The following MTX2 variants were observed in gnomAD, a reference collection of about 807,000 sequenced individuals.
The protein encoded by MTX2 is metaxin-2.
A neutral mutation model predicts 42.3 loss-of-function variants in MTX2; 35 were observed. The observed-to-expected ratio is 0.83, with a 90% CI of 0.63 to 1.10. The LOEUF (loss-of-function observed/expected upper bound fraction) is 1.10. Ranked by LOEUF, MTX2 falls within the 50% of genes least tolerant of loss-of-function variation. MTX2 has a pLI of 0.00. For synonymous variants in MTX2, 119 were observed against 100.9 expected (o/e 1.18, Z -1.08); for missense variants, 307 against 304.1 (o/e 1.01, Z -0.07).
At chr2:176,303,384 A>G (rs1684072092) in intron 3 of MTX2, among the ~76,000 whole-genome samples, 1 of 152,232 alleles carries the variant, frequency 6.6e-6, no homozygotes, top group South Asian at 2.1e-4. Context: ...AGGGATAAAT[A>G]GAATTTAGTG....
intron 1 of MTX2, among the ~76,000 whole-genome samples, chr2:176,271,594 A>G (rs145351585): frequency 2.0e-5 from 3 of 152,286 alleles, no homozygotes; most frequent in Admixed American, 2.0e-4. Context: ...CACCCCTGCC[A>G]TCAGATGGAC....
intron 1 of MTX2, among the ~76,000 whole-genome samples, chr2:176,274,422 G>A (rs557618368): frequency 2.6e-5 from 4 of 152,260 alleles, no homozygotes; most frequent in African/African-American, 9.6e-5. Context: ...TGGTTATGTA[G>A]TATTTCATTG....
At chr2:176,322,499 T>C (rs1218324785) in intron 3 of MTX2, among the ~76,000 whole-genome samples, 3 of 152,080 alleles carry the variant, frequency 2.0e-5, no homozygotes, top group African/African-American at 7.2e-5. Flanking sequence ...AACTGAATTA[T>C]TTTATAGAAA....
intron 1 of MTX2, among the ~76,000 whole-genome samples, chr2:176,284,398 G>A (rs1282606784): frequency 6.6e-6 from 1 of 152,070 alleles, no homozygotes; most frequent in Non-Finnish European, 1.5e-5. Context: ...CTGTGAATTT[G>A]TTTTCTTGAC....
At chr2:176,317,884 T>A (rs1373345109) in intron 3 of MTX2, among the ~76,000 whole-genome samples, 2 of 152,204 alleles carry the variant, frequency 1.3e-5, no homozygotes, top group Admixed American at 1.3e-4. Context: ...ATGTAGACTT[T>A]CATCCAGTCC....
intron 3 of MTX2, among the ~76,000 whole-genome samples, chr2:176,318,301 C>T (rs1412107218): frequency 6.6e-6 from 1 of 151,946 alleles, no homozygotes; most frequent in Non-Finnish European, 1.5e-5. Flanking sequence ...TACCTTACCC[C>T]TTCAAGTGAA....
intron 9 of MTX2, among the ~76,000 whole-genome samples, chr2:176,335,456 T>C (rs1046694732): frequency 6.6e-6 from 1 of 152,008 alleles, no homozygotes; most frequent in Non-Finnish European, 1.5e-5. Context: ...GTTGGTATGA[T>C]CTGCTGACAT....
intron 8 of MTX2, 134 bp downstream of exon 8, chr2:176,329,560 G>A (rs2105445413): frequency 1.1e-6 from 1 of 930,840 alleles, no homozygotes; most frequent in Non-Finnish European, 1.5e-6. Flanking sequence ...TCACTAACAT[G>A]AAGTAATTTT....
At chr2:176,312,401 G>A (rs530020948) in intron 3 of MTX2, among the ~76,000 whole-genome samples, 1 of 152,230 alleles carries the variant, frequency 6.6e-6, no homozygotes, top group East Asian at 1.9e-4. Flanking sequence ...GGGGGATGGA[G>A]TCCTTCTGTC....
intron 1 of MTX2, among the ~76,000 whole-genome samples, chr2:176,295,934 G>T (rs1683864742): frequency 6.6e-6 from 1 of 152,120 alleles, no homozygotes; most frequent in South Asian, 2.1e-4. Context: ...TTTAGTTGCT[G>T]AGAGCAAATG....
At chr2:176,337,465 C>A (rs77721851) in intron 9 of MTX2, 28 bp from the exon 10 acceptor site, 79 of 1,534,938 alleles carry the variant, frequency 5.1e-5, no homozygotes, top group Admixed American at 4.0e-4. Context: ...ATGCTACTTA[C>A]TCACATTACT....
rs377422850 is a variant in MTX2 at position 176,336,458 on chromosome 2, C to T, written c.621-1035C>T. 9.9e-5 allele frequency among the ~76,000 whole-genome samples: 15 copies of T among 152,128 alleles called. No homozygotes were observed. In the East Asian group the frequency reaches 1.4e-3, roughly 14 times the overall value. On this transcript the variant is annotated intron_variant, in intron 9 of 9. Coordinates refer to ENST00000249442, the MANE Select transcript of MTX2 (RefSeq NM_006554.5). Reference sequence around the variant, plus strand: ...CATTTTTTTGGTCCTATCACCACAGCGAAATCCTTTGTGCTTTGACAGCAT... The same window carrying T: ...CATTTTTTTGGTCCTATCACCACAGTGAAATCCTTTGTGCTTTGACAGCAT...
chr2:176,308,583 T>TATTCAGAG, intron 3 of MTX2, among the ~76,000 whole-genome samples: 1 of 152,342 alleles, frequency 6.6e-6, no homozygotes, highest in South Asian at 2.1e-4. Context: ...GTTATTGGTC[T>TATTCAGAG]ATTCAGAGAT....
Position 176,324,923 on chromosome 2 carries a change from TA to T in MTX2, c.208+1460del, listed in dbSNP as rs1342388974. 2.0e-5 allele frequency among the ~76,000 whole-genome samples: 3 copies of T among 151,732 alleles called. No homozygotes were observed. The East Asian group carries it at 5.8e-4, about 29-fold the overall frequency. ...TTTGAGGTGATAGGGAAATGTTTTT[TA>T]TTGTATTTGCTTCTTTGATCTTGCG... On this transcript the variant is annotated intron_variant, in intron 4 of 9. Transcript: ENST00000249442.
At position 176,307,579 on chromosome 2, in the gene MTX2, T is replaced by C. The variant is rs989498029; in HGVS notation, c.135+9684T>C. 4.6e-5 allele frequency among the ~76,000 whole-genome samples: 7 copies of C among 152,214 alleles called. No individual in the cohort carries two copies. The South Asian group carries it at 8.3e-4, about 18-fold the overall frequency. On this transcript the variant is annotated intron_variant, in intron 3 of 9. Transcript: ENST00000249442. ...TTGTTTGTGTCCTCTTTTATTTCCT[T>C]GAGCAGTAGTTTGTAGTTCTCCTTG...
intron 3 of MTX2, among the ~76,000 whole-genome samples, chr2:176,312,693 A>G (rs1288575180): frequency 1.3e-5 from 2 of 151,976 alleles, no homozygotes; most frequent in East Asian, 1.9e-4. Flanking sequence ...GTGAAACCCC[A>G]TCTCTACTAA....
chr2:176,286,053 C>T (rs1192868906), intron 1 of MTX2, among the ~76,000 whole-genome samples: 2 of 152,080 alleles, frequency 1.3e-5, no homozygotes, highest in Non-Finnish European at 2.9e-5. Context: ...TTGATTATGA[C>T]CTTCTTATTG....
intron 1 of MTX2, among the ~76,000 whole-genome samples, chr2:176,276,942 G>A (rs897635965): frequency 9.2e-5 from 14 of 151,978 alleles, no homozygotes; most frequent in Non-Finnish European, 1.9e-4. Context: ...CTATATAAAG[G>A]ATGAAAAAAG....
chr2:176,325,182 C>T (rs1269725330), intron 4 of MTX2, among the ~76,000 whole-genome samples: 1 of 151,726 alleles, frequency 6.6e-6, no homozygotes, highest in Non-Finnish European at 1.5e-5. Flanking sequence ...AATCTGCCAA[C>T]TTGTTTGGCA....
Sources: allele counts gnomAD v4.1 joint callset (sites outside exome capture counted in the v4.1 genomes callset), GRCh38; gene constraint gnomAD v4.1.1; transcripts MANE v1.5; gene names NCBI Gene and HGNC (gene_info 2026-07-23, HGNC 2026-07-21).